Variants in TIMP1 observed in about 807,000 individuals in gnomAD.
The protein encoded by TIMP1 is metalloproteinase inhibitor 1.
TIMP1 carries 5 observed loss-of-function variants against 13.7 expected under a neutral mutation model. The ratio of observed to expected loss-of-function variants is 0.36; its 90% CI spans 0.19 to 0.76. TIMP1 has a LOEUF of 0.76. Ranked by LOEUF, TIMP1 falls within the 30% of genes least tolerant of loss-of-function variation. TIMP1 has a pLI of 0.51. For missense variants in TIMP1, 131 were observed against 168.4 expected, an observed-to-expected ratio of 0.78 and a Z score of 1.23; for synonymous variants, 63 against 67.1, an observed-to-expected ratio of 0.94 and a Z score of 0.30.
intron 1 of TIMP1, 112 bp downstream of exon 1, chrX:47,582,586 T>C (rs1215570249): frequency 2.7e-6 from 1 of 367,580 alleles, no homozygotes; most frequent in Non-Finnish European, 5.5e-6. Context: ...CAGCTTGGCC[T>C]GCGGGTACCA....
chrX:47,585,065 T>C (rs377335968), intron 3 of TIMP1, 50 bp downstream of exon 3: 3 of 1,188,999 alleles, frequency 2.5e-6, no homozygotes, highest in Non-Finnish European at 2.3e-6. Context: ...ATCTTCCTCC[T>C]GGTCAAAACA....
At position 47,586,545 on chromosome X, in the gene TIMP1, T is replaced by G. The variant is rs1388939513; in HGVS notation, c.478T>G (p.Cys160Gly). The change falls in exon 6 of 6, where the codon TGC becomes GGC. Residue 160 changes from cysteine to glycine, a missense_variant. Transcript: ENST00000218388. ...GGTGTTTCCCTGTTTATCCATCCCC[T>G]GCAAACTGCAGAGTGGCACTCATTG... The part of the protein sequence containing the change: ...CTVFPCLSIP[C>G]KLQSGTHCLW... 1 of 1,211,881 alleles carries G rather than the reference T, an allele frequency of 8.3e-7. No homozygotes were observed. Among genetic ancestry groups the G allele is most frequent in the Non-Finnish European group, 1.1e-6 (1 of 895,480 alleles).
chrX:47,584,671 G>GCA (rs2057815097), intron 2 of TIMP1, among the ~76,000 whole-genome samples: 1 of 112,121 alleles, frequency 8.9e-6, no homozygotes, highest in Non-Finnish European at 1.9e-5. Context: ...ACAATGTCTG[G>GCA]CACACAGTGG....
rs145937340 is a variant in TIMP1 at position 47,584,953 on chromosome X, G to A, written c.139G>A (p.Val47Met). 27 of 1,208,950 alleles carry A rather than the reference G, an allele frequency of 2.2e-5. No individual in the cohort carries two copies. The highest frequency in any genetic ancestry group is 2.1e-4 in the African/African-American group (12 of 56,926). Reference sequence around the variant, plus strand: ...TCCTGCAGTCATCAGGGCCAAGTTCGTGGGGACACCAGAAGTCAACCAGAC... The same window carrying A: ...TCCTGCAGTCATCAGGGCCAAGTTCATGGGGACACCAGAAGTCAACCAGAC... ...NSDLVIRAKF[V>M]GTPEVNQTTL... The change falls in exon 3 of 6, where the codon GTG becomes ATG. Residue 47 changes from valine to methionine, a missense_variant. Val to Met is a conservative substitution (Grantham distance 21). Transcript: ENST00000218388.
intron 5 of TIMP1, 27 bp downstream of exon 5, chrX:47,585,694 C>T (rs761854689): frequency 4.1e-6 from 5 of 1,207,588 alleles, no homozygotes; most frequent in South Asian, 1.8e-5. Context: ...TGACCTCCAA[C>T]GGGAGATCCT....
chrX:47,585,623 C>T lies in TIMP1; in HGVS notation c.409C>T (p.Arg137Trp). Residue 137 changes from arginine (R) to tryptophan (W), a missense_variant, in exon 5 of 6, where the codon CGG (arginine) becomes TGG (tryptophan). Coordinates refer to ENST00000218388, the MANE Select transcript of TIMP1 (RefSeq NM_003254.3). ...GAACAGCCTGAGCTTAGCTCAGCGC[C>T]GGGGCTTCACCAAGACCTACACTGT... ...PWNSLSLAQR[R>W]GFTKTYTVGC... 4 of 1,154,777 alleles carry T rather than the reference C, an allele frequency of 3.5e-6. No individual in the cohort carries two copies. The highest frequency in any genetic ancestry group is 4.0e-5 in the South Asian group (2 of 49,894).
In TIMP1 at chrX:47,583,394, C is replaced by A; in HGVS notation, c.-8-14C>A. Reference sequence around the variant, plus strand: ...GCTGGGCCGGGGCCTGCCTGACATCCCCCTTCCCCACAGAACCCACCATGG... The same window carrying A: ...GCTGGGCCGGGGCCTGCCTGACATCACCCTTCCCCACAGAACCCACCATGG... On this transcript the variant is annotated splice_polypyrimidine_tract_variant and intron_variant, in intron 1 of 5. Transcript: ENST00000218388. 1 of 1,185,044 alleles carries A rather than the reference C, an allele frequency of 8.4e-7. No homozygotes were observed. Among genetic ancestry groups the A allele is most frequent in the East Asian group, 3.0e-5 (1 of 33,014 alleles).
At chrX:47,585,897 C>T (rs1458004709) in intron 5 of TIMP1, 2 of 1,130,162 alleles carry the variant, frequency 1.8e-6, no homozygotes, top group South Asian at 3.9e-5. Flanking sequence ...ACCTGTCCCT[C>T]CCTGGTCCCT....
chrX:47,582,470 C>A lies in TIMP1; in HGVS notation c.-13C>A. On this transcript the variant is annotated 5_prime_UTR_variant, in exon 1 of 6. Transcript: ENST00000218388. ...GCAGATCCAGCGCCCAGAGAGACAC[C>A]AGAGGTAAGCAGGGCCCGGGGTGGC... 1 of 278,992 alleles carries A rather than the reference C, an allele frequency of 3.6e-6. No individual in the cohort carries two copies. The highest frequency in any genetic ancestry group is 7.3e-6 in the Non-Finnish European group (1 of 137,467). 23.0% of individuals were successfully genotyped at this position (278,992 alleles called of 1,213,427 possible).
intron 2 of TIMP1, among the ~76,000 whole-genome samples, chrX:47,584,320 G>C (rs2057813396): frequency 9.0e-6 from 1 of 111,163 alleles, no homozygotes; most frequent in Non-Finnish European, 1.9e-5. Flanking sequence ...GATTGAGGAT[G>C]ATCAGGTATT....
intron 2 of TIMP1, among the ~76,000 whole-genome samples, chrX:47,583,748 C>A (rs1443882274): frequency 2.7e-5 from 3 of 112,160 alleles, no homozygotes; most frequent in Non-Finnish European, 5.6e-5. Flanking sequence ...GCCTGGTACA[C>A]TTTCCCCCCA....
intron 2 of TIMP1, among the ~76,000 whole-genome samples, chrX:47,584,671 G>A (rs181652137): frequency 8.9e-6 from 1 of 112,174 alleles, no homozygotes; most frequent in Admixed American, 9.4e-5. Flanking sequence ...ACAATGTCTG[G>A]CACACAGTGG....
intron 2 of TIMP1, among the ~76,000 whole-genome samples, chrX:47,584,269 G>A (rs1471819997): frequency 1.8e-5 from 2 of 111,250 alleles, no homozygotes; most frequent in Non-Finnish European, 3.8e-5. Flanking sequence ...TATTGAGGAT[G>A]ATCAGAGATT....
rs950567281 is a variant in TIMP1, at chrX:47,582,484, G to A, written c.-9+10G>A. The A allele has an allele frequency of 2.1e-5, 6 of 292,122 alleles. No individual in the cohort carries two copies. Among genetic ancestry groups the A allele is most frequent in the Non-Finnish European group, 3.5e-5 (5 of 144,316 alleles). The allele number at this position is 292,122 out of a possible 1,213,427, so 24.1% of individuals were successfully genotyped here. A position where few individuals can be genotyped will look rare whatever the true frequency, so the allele number is the denominator to read the frequency against. On this transcript the variant is annotated intron_variant, in intron 1 of 5. Transcript: ENST00000218388. ...CAGAGAGACACCAGAGGTAAGCAGGGCCCGGGGTGGCCCAGCAGGGACCGG... is the reference window on the plus strand; with the variant it reads ...CAGAGAGACACCAGAGGTAAGCAGGACCCGGGGTGGCCCAGCAGGGACCGG...
At chrX:47,584,875 T>G in intron 2 of TIMP1, 61 bp from the exon 3 acceptor site, 1 of 984,913 alleles carries the variant, frequency 1.0e-6, no homozygotes, top group Non-Finnish European at 1.4e-6. Context: ...ATGATGATGA[T>G]GATCTTATTT....
At chrX:47,583,376 C>G in intron 1 of TIMP1, 32 bp from the exon 2 acceptor site, 1 of 1,172,610 alleles carries the variant, frequency 8.5e-7, no homozygotes, top group Non-Finnish European at 1.1e-6. Context: ...TCAGCTGGGC[C>G]GGGGCCTGCC....
chrX:47,585,895 C>T (rs1259763740), intron 5 of TIMP1: 3 of 1,131,052 alleles, frequency 2.7e-6, no homozygotes, highest in Admixed American at 2.6e-5. Flanking sequence ...TCACCTGTCC[C>T]TCCCTGGTCC....
At chrX:47,586,059 C>A (rs987630671) in intron 5 of TIMP1, 12 of 964,181 alleles carry the variant, frequency 1.2e-5, no homozygotes, top group Non-Finnish European at 1.6e-5. Context: ...TGTTGCTCTG[C>A]AGCTCTGACT....
At chrX:47,582,550 A>G in intron 1 of TIMP1, 76 bp downstream of exon 1, 1 of 356,515 alleles carries the variant, frequency 2.8e-6, no homozygotes, top group Non-Finnish European at 5.6e-6. Context: ...AGGCCCGTGC[A>G]CTCCCGTGCC....
Sources: allele counts gnomAD v4.1 joint callset (sites outside exome capture counted in the v4.1 genomes callset), GRCh38; gene constraint gnomAD v4.1.1; transcripts MANE v1.5; gene names NCBI Gene and HGNC (gene_info 2026-07-23, HGNC 2026-07-21).